The following MAGI2 variants were observed in gnomAD, a reference collection of about 807,000 sequenced individuals.
MAGI2 encodes the protein membrane-associated guanylate kinase, WW and PDZ domain-containing protein 2.
A neutral mutation model predicts 133.3 loss-of-function variants in MAGI2; 35 were observed. The ratio of observed to expected loss-of-function variants is 0.26; its 90% CI spans 0.20 to 0.35. The LOEUF (loss-of-function observed/expected upper bound fraction) is 0.35. Among genes scored for constraint, MAGI2 ranks in the 10% least tolerant of loss-of-function variants. The pLI, the probability that MAGI2 is intolerant of heterozygous loss-of-function variation, is 1.00. For synonymous variants in MAGI2, 729 were observed against 710.6 expected, an observed-to-expected ratio of 1.03 and a Z score of -0.41; for missense variants, 1,636 against 1,863.4, an observed-to-expected ratio of 0.88 and a Z score of 2.25.
At chr7:78,576,682 T>A (rs1214763255) in intron 3 of MAGI2, among the ~76,000 whole-genome samples, 1 of 152,230 alleles carries the variant, frequency 6.6e-6, no homozygotes, top group African/African-American at 2.4e-5. Flanking sequence ...CATTAAATCA[T>A]CCCCTTTTGT....
At chr7:78,597,623 A>T (rs2150867291) in intron 3 of MAGI2, among the ~76,000 whole-genome samples, 1 of 152,332 alleles carries the variant, frequency 6.6e-6, no homozygotes, top group Admixed American at 6.5e-5. Context: ...AAATATGGGT[A>T]GACTCTCGAG....
At chr7:78,169,621 A>C (rs1825932930) in intron 14 of MAGI2, among the ~76,000 whole-genome samples, 1 of 152,216 alleles carries the variant, frequency 6.6e-6, no homozygotes, top group Admixed American at 6.5e-5. Flanking sequence ...CTTTCTACAT[A>C]GGAATGAAAA....
chr7:78,736,747 C>T (rs182292311), intron 2 of MAGI2, among the ~76,000 whole-genome samples: 5 of 152,154 alleles, frequency 3.3e-5, no homozygotes, highest in Admixed American at 3.3e-4. Flanking sequence ...ATCAGCTGTG[C>T]TAACAGTACA....
chr7:79,447,720 C>T (rs1205616850), intron 1 of MAGI2, among the ~76,000 whole-genome samples: 1 of 151,560 alleles, frequency 6.6e-6, no homozygotes, highest in African/African-American at 2.4e-5. Flanking sequence ...GGTATTTTAA[C>T]AGTACCATAA....
intron 9 of MAGI2, among the ~76,000 whole-genome samples, chr7:78,284,789 G>T (rs1339557000): frequency 6.6e-6 from 1 of 152,014 alleles, no homozygotes; most frequent in Non-Finnish European, 1.5e-5. Flanking sequence ...TTAACAAAGG[G>T]ACCTTGATTA....
At chr7:78,286,966 G>C (rs984398915) in intron 9 of MAGI2, among the ~76,000 whole-genome samples, 1 of 152,318 alleles carries the variant, frequency 6.6e-6, no homozygotes, top group East Asian at 1.9e-4. Flanking sequence ...GGAATACTGC[G>C]ACATAAGGCT....
At chr7:78,690,448 T>G (rs1816836393) in intron 2 of MAGI2, among the ~76,000 whole-genome samples, 1 of 152,206 alleles carries the variant, frequency 6.6e-6, no homozygotes, top group African/African-American at 2.4e-5. Context: ...AGCAAAAATA[T>G]TTATAAAATT....
intron 6 of MAGI2, among the ~76,000 whole-genome samples, chr7:78,415,149 C>T (rs1339800920): frequency 6.6e-6 from 1 of 152,088 alleles, no homozygotes; most frequent in African/African-American, 2.4e-5. Context: ...GCCTTACCTT[C>T]CTTTATGTTC....
At chr7:78,807,260 C>G (rs1369935020) in intron 2 of MAGI2, among the ~76,000 whole-genome samples, 1 of 152,082 alleles carries the variant, frequency 6.6e-6, no homozygotes, top group East Asian at 1.9e-4. Flanking sequence ...TAGTATTAGA[C>G]ATTAAAACTA....
chr7:78,102,271 T>A (rs1461150874), intron 20 of MAGI2, among the ~76,000 whole-genome samples: 1 of 152,166 alleles, frequency 6.6e-6, no homozygotes, highest in Non-Finnish European at 1.5e-5. Context: ...GTTCTAGAGA[T>A]CTAATGTACA....
chr7:78,436,508 G>T (rs898074095), intron 6 of MAGI2, among the ~76,000 whole-genome samples: 5 of 152,112 alleles, frequency 3.3e-5, no homozygotes, highest in Non-Finnish European at 7.4e-5. Flanking sequence ...TCCTCACCTG[G>T]GAACTCAAAC....
At chr7:79,434,949 C>A (rs4730830) in intron 1 of MAGI2, among the ~76,000 whole-genome samples, 1 of 152,042 alleles carries the variant, frequency 6.6e-6, no homozygotes, top group African/African-American at 2.4e-5. Context: ...AGACTTCCTC[C>A]TGCCTGCTTG....
intron 3 of MAGI2, among the ~76,000 whole-genome samples, chr7:78,587,261 C>G (rs1170423923): frequency 1.3e-5 from 2 of 152,154 alleles, no homozygotes; most frequent in Non-Finnish European, 2.9e-5. Context: ...CCTTATCCCC[C>G]CTTTTTTTCT....
At chr7:79,205,506 A>G (rs1410321866) in intron 1 of MAGI2, among the ~76,000 whole-genome samples, 1 of 152,006 alleles carries the variant, frequency 6.6e-6, no homozygotes, top group East Asian at 1.9e-4. Context: ...CTTTGAGTTG[A>G]AAGAAACAGA....
intron 10 of MAGI2, 154 bp downstream of exon 10, chr7:78,255,789 C>G (rs950797750): frequency 1.3e-6 from 1 of 770,236 alleles, no homozygotes. Context: ...AACAAAGTTT[C>G]CTTTAATTCA....
At chr7:79,306,639 T>C (rs1240792626) in intron 1 of MAGI2, among the ~76,000 whole-genome samples, 2 of 152,116 alleles carry the variant, frequency 1.3e-5, no homozygotes, top group Non-Finnish European at 2.9e-5. Flanking sequence ...TCTTATGAAG[T>C]GGTCTGGATT....
chr7:78,076,598 G>A (rs956558478), intron 21 of MAGI2, among the ~76,000 whole-genome samples: 1 of 151,682 alleles, frequency 6.6e-6, no homozygotes, highest in Non-Finnish European at 1.5e-5. Context: ...TGTAATCCCA[G>A]CACTTTGGGA....
intron 2 of MAGI2, among the ~76,000 whole-genome samples, chr7:78,989,615 C>T (rs979107408): frequency 3.3e-5 from 5 of 152,076 alleles, no homozygotes; most frequent in Non-Finnish European, 5.9e-5. Flanking sequence ...TTCTTAGCAG[C>T]CAGTGCTCCT....
At chr7:78,091,539 C>A (rs1367540065) in intron 20 of MAGI2, among the ~76,000 whole-genome samples, 1 of 152,190 alleles carries the variant, frequency 6.6e-6, no homozygotes, top group Non-Finnish European at 1.5e-5. Flanking sequence ...GGGCAAGGAG[C>A]TCATCTTATT....
Sources: allele counts gnomAD v4.1 joint callset (sites outside exome capture counted in the v4.1 genomes callset), GRCh38; gene constraint gnomAD v4.1.1; transcripts MANE v1.5; gene names NCBI Gene and HGNC (gene_info 2026-07-23, HGNC 2026-07-21).